INPP4B: variants seen among roughly 807,000 people sequenced by gnomAD.
INPP4B encodes inositol polyphosphate 4-phosphatase type II.
A neutral mutation model predicts 122.5 loss-of-function variants in INPP4B; 55 were observed. That is an observed-to-expected ratio of 0.45 (90% CI 0.36 to 0.56). INPP4B has a LOEUF of 0.56. Among genes scored for constraint, INPP4B ranks in the 20% least tolerant of loss-of-function variants. The probability of loss-of-function intolerance (pLI) is 0.00; values close to 1 mark genes in which losing one functional copy is unlikely to be tolerated. For missense variants in INPP4B, 1,000 were observed against 1,097.7 expected, an observed-to-expected ratio of 0.91 and a Z score of 1.26; for synonymous variants, 403 against 388.7, an observed-to-expected ratio of 1.04 and a Z score of -0.43.
chr4:142,292,629 A>C (rs1756922214), intron 9 of INPP4B, among the ~76,000 whole-genome samples: 1 of 152,234 alleles, frequency 6.6e-6, no homozygotes, highest in Non-Finnish European at 1.5e-5. Flanking sequence ...GAAGATTAAA[A>C]AGTACAATAA....
chr4:142,323,825 T>C (rs1771251351), intron 7 of INPP4B, among the ~76,000 whole-genome samples: 2 of 151,848 alleles, frequency 1.3e-5, no homozygotes, highest in Admixed American at 1.3e-4. Flanking sequence ...CCCCTTTTTA[T>C]GTGAGGCAAA....
intron 14 of INPP4B, among the ~76,000 whole-genome samples, chr4:142,202,102 T>C (rs1840870516): frequency 6.6e-6 from 1 of 152,074 alleles, no homozygotes; most frequent in Non-Finnish European, 1.5e-5. Context: ...GAAAATTGCA[T>C]AGTATCCAAA....
chr4:142,624,517 C>G (rs912654015), intron 2 of INPP4B, among the ~76,000 whole-genome samples: 1 of 151,992 alleles, frequency 6.6e-6, no homozygotes, highest in African/African-American at 2.4e-5. Context: ...GAGTCCAGGA[C>G]CAGATGGATT....
At chr4:142,767,210 C>A (rs1193356044) in intron 1 of INPP4B, among the ~76,000 whole-genome samples, 2 of 152,120 alleles carry the variant, frequency 1.3e-5, no homozygotes, top group African/African-American at 4.8e-5. Flanking sequence ...TTAGATTGTT[C>A]TTCTTCCGGT....
intron 2 of INPP4B, among the ~76,000 whole-genome samples, chr4:142,615,053 G>T (rs1743404292): frequency 6.6e-6 from 1 of 152,088 alleles, no homozygotes; most frequent in Non-Finnish European, 1.5e-5. Flanking sequence ...TCCACTCAAA[G>T]GAAAAGAAAT....
At chr4:142,254,534 G>C (rs1015214356) in intron 11 of INPP4B, among the ~76,000 whole-genome samples, 2 of 152,184 alleles carry the variant, frequency 1.3e-5, no homozygotes, top group Non-Finnish European at 2.9e-5. Flanking sequence ...TGAAAGCCAA[G>C]GCTCGAGAAC....
At chr4:142,333,022 AAAAAAC>A (rs1214155851) in intron 7 of INPP4B, among the ~76,000 whole-genome samples, 1 of 150,672 alleles carries the variant, frequency 6.6e-6, no homozygotes, top group African/African-American at 2.4e-5. Flanking sequence ...AAAAAAAAAA[AAAAAAC>A]AAAAAAAAAA....
chr4:142,557,061 A>C (rs1269181224), intron 2 of INPP4B, among the ~76,000 whole-genome samples: 1 of 152,010 alleles, frequency 6.6e-6, no homozygotes, highest in African/African-American at 2.4e-5. Flanking sequence ...AACTTTTCAC[A>C]CAGCTGCACC....
chr4:142,152,977 AACTAT>A (rs1477186894), intron 17 of INPP4B, among the ~76,000 whole-genome samples: 5 of 152,226 alleles, frequency 3.3e-5, no homozygotes, highest in African/African-American at 1.2e-4. Context: ...AGTAAAAAAA[AACTAT>A]ACTATAAGAA....
At chr4:142,382,557 A>C (rs1794499445) in intron 7 of INPP4B, among the ~76,000 whole-genome samples, 2 of 144,258 alleles carry the variant, frequency 1.4e-5, no homozygotes, top group South Asian at 4.2e-4. Flanking sequence ...ATATATTTAC[A>C]TTTATGTTTA....
At chr4:142,697,568 C>A (rs1034681892) in intron 2 of INPP4B, among the ~76,000 whole-genome samples, 2 of 152,166 alleles carry the variant, frequency 1.3e-5, no homozygotes, top group African/African-American at 4.8e-5. Context: ...ACAATGGATT[C>A]TTGCTGGGCT....
chr4:142,804,379 C>A (rs1255970463), intron 1 of INPP4B, among the ~76,000 whole-genome samples: 1 of 152,156 alleles, frequency 6.6e-6, no homozygotes, highest in African/African-American at 2.4e-5. Context: ...TCTGCTGCTT[C>A]TCAAACAATT....
intron 7 of INPP4B, among the ~76,000 whole-genome samples, chr4:142,398,389 A>AG (rs1800146492): frequency 2.1e-5 from 1 of 47,270 alleles, no homozygotes; most frequent in African/African-American, 1.0e-4. Flanking sequence ...AAAAAAAAAA[A>AG]AAAAAAAAAA....
chr4:142,329,120 A>T (rs910682712), intron 7 of INPP4B, among the ~76,000 whole-genome samples: 5 of 152,258 alleles, frequency 3.3e-5, no homozygotes, highest in Non-Finnish European at 7.3e-5. Flanking sequence ...TTCTAGCATC[A>T]GGAAGACATG....
At chr4:142,439,326 T>C (rs1811208955) in intron 3 of INPP4B, among the ~76,000 whole-genome samples, 1 of 152,166 alleles carries the variant, frequency 6.6e-6, no homozygotes, top group Middle Eastern at 3.2e-3. Flanking sequence ...GGAAGTGTCA[T>C]ACAGGTGTAT....
chr4:142,450,839 C>A (rs528385368), intron 3 of INPP4B, among the ~76,000 whole-genome samples: 30 of 152,052 alleles, frequency 2.0e-4, no homozygotes, highest in Admixed American at 1.0e-3. Context: ...TTTTCACACA[C>A]AAAAATTTTC....
intron 18 of INPP4B, among the ~76,000 whole-genome samples, chr4:142,130,498 A>G (rs1462447971): frequency 6.6e-6 from 1 of 152,174 alleles, no homozygotes; most frequent in African/African-American, 2.4e-5. Flanking sequence ...GACGGCGCAG[A>G]GGATATGTGA....
chr4:142,139,770 A>G (rs377706127), intron 18 of INPP4B, among the ~76,000 whole-genome samples: 1 of 152,218 alleles, frequency 6.6e-6, no homozygotes, highest in Non-Finnish European at 1.5e-5. Context: ...CAAGACATTG[A>G]TAACTGGTGA....
chr4:142,778,202 T>C (rs1426768087), intron 1 of INPP4B, among the ~76,000 whole-genome samples: 1 of 152,182 alleles, frequency 6.6e-6, no homozygotes, highest in Non-Finnish European at 1.5e-5. Context: ...TGGAAGTCTC[T>C]GACCTAGCAA....
Sources: gnomAD v4.1 joint callset for allele counts (sites outside exome capture counted in the v4.1 genomes callset) on GRCh38, gnomAD v4.1.1 for gene constraint, MANE v1.5 for transcripts, NCBI Gene and HGNC (gene_info 2026-07-23, HGNC 2026-07-21) for gene names.